Variants in KCNQ3 observed in about 807,000 individuals in gnomAD.
KCNQ3 encodes potassium voltage-gated channel subfamily Q member 3, also known as potassium voltage-gated channel subfamily KQT member 3.
A neutral mutation model predicts 92.5 loss-of-function variants in KCNQ3; 30 were observed. That is an observed-to-expected ratio of 0.32 (90% CI 0.24 to 0.44). KCNQ3 has a LOEUF of 0.44. Ranked by LOEUF, KCNQ3 falls within the 20% of genes least tolerant of loss-of-function variation. KCNQ3 has a pLI of 1.00. For synonymous variants in KCNQ3, 450 were observed against 468.8 expected (o/e 0.96, Z 0.52); for missense variants, 913 against 1,140.3 (o/e 0.80, Z 2.87).
chr8:132,137,373 TA>T (rs2130937708), intron 12 of KCNQ3, among the ~76,000 whole-genome samples: 1 of 152,344 alleles, frequency 6.6e-6, no homozygotes, highest in African/African-American at 2.4e-5. Context: ...AATGGCACTC[TA>T]ATGCAATATC....
chr8:132,304,664 G>A (rs1817360503), intron 1 of KCNQ3, among the ~76,000 whole-genome samples: 1 of 152,106 alleles, frequency 6.6e-6, no homozygotes, highest in East Asian at 1.9e-4. Context: ...GGACCATATT[G>A]GACAGTGCAG....
At position 132,399,524 on chromosome 8, in the gene KCNQ3, C is replaced by T. The variant is rs533827757; in HGVS notation, c.386+80623G>A. Among the ~76,000 whole-genome samples, 4 of 152,196 alleles carry T rather than the reference C, an allele frequency of 2.6e-5. No individual in the cohort carries two copies. The South Asian group carries it at 8.3e-4, about 32-fold the overall frequency. ...AGAAGAGGGAAAAAGCGCCCTCCAC[C>T]CCTGGAAGAAAATAAACCCTATGAT... On this transcript the variant is annotated intron_variant, in intron 1 of 14. Coordinates refer to ENST00000388996, the MANE Select transcript of KCNQ3 (RefSeq NM_004519.4).
At chr8:132,187,319 T>C in intron 1 of KCNQ3, 2 of 452,650 alleles carry the variant, frequency 4.4e-6, no homozygotes, top group East Asian at 1.4e-4. Flanking sequence ...ACAGTCCAGA[T>C]AAACAGAAAG....
chr8:132,303,716 C>T (rs1438055921), intron 1 of KCNQ3, among the ~76,000 whole-genome samples: 3 of 137,824 alleles, frequency 2.2e-5, no homozygotes, highest in Non-Finnish European at 1.6e-5. Flanking sequence ...CATATATATA[C>T]ACCACATATA....
chr8:132,390,243 G>A (rs771918717), intron 1 of KCNQ3, among the ~76,000 whole-genome samples: 1 of 152,130 alleles, frequency 6.6e-6, no homozygotes, highest in African/African-American at 2.4e-5. Flanking sequence ...TGAATACTTA[G>A]GGAATGAAAG....
At chr8:132,243,719 T>C (rs1323339863) in intron 1 of KCNQ3, among the ~76,000 whole-genome samples, 2 of 152,178 alleles carry the variant, frequency 1.3e-5, no homozygotes, top group Non-Finnish European at 2.9e-5. Flanking sequence ...CTCAATTTTG[T>C]AGCAAGGTAA....
intron 1 of KCNQ3, among the ~76,000 whole-genome samples, chr8:132,191,588 GAT>G (rs1491003005): frequency 9.7e-6 from 1 of 103,294 alleles, no homozygotes; most frequent in Non-Finnish European, 2.0e-5. Context: ...TAGAAAGATG[GAT>G]ATGTGTGTGT....
chr8:132,400,197 G>T (rs978465855), intron 1 of KCNQ3, among the ~76,000 whole-genome samples: 8 of 152,178 alleles, frequency 5.3e-5, no homozygotes, highest in African/African-American at 1.9e-4. Flanking sequence ...GCGTCTGTGT[G>T]CCTCTTGTCT....
At chr8:132,242,578 C>T (rs146088273) in intron 1 of KCNQ3, among the ~76,000 whole-genome samples, 1 of 152,266 alleles carries the variant, frequency 6.6e-6, no homozygotes, top group East Asian at 1.9e-4. Context: ...AATCTATATC[C>T]TCTTTCTGGA....
chr8:132,421,443 A>T (rs889121123), intron 1 of KCNQ3, among the ~76,000 whole-genome samples: 3 of 152,184 alleles, frequency 2.0e-5, no homozygotes, highest in African/African-American at 7.2e-5. Flanking sequence ...GCTGGCAGGA[A>T]ACATTTTTAA....
At chr8:132,184,468 T>G (rs2130177124) in intron 2 of KCNQ3, 101 bp from the exon 3 acceptor site, 1 of 1,381,086 alleles carries the variant, frequency 7.2e-7, no homozygotes, top group Non-Finnish European at 1.0e-6. Flanking sequence ...CATTTTGTGC[T>G]GTTGCTGGTT....
chr8:132,311,856 A>G (rs930768518), intron 1 of KCNQ3, among the ~76,000 whole-genome samples: 3 of 152,204 alleles, frequency 2.0e-5, no homozygotes, highest in Admixed American at 2.0e-4. Context: ...GATCCTCAGA[A>G]TGTGACCTTA....
intron 1 of KCNQ3, among the ~76,000 whole-genome samples, chr8:132,364,608 C>T (rs1819260896): frequency 6.6e-6 from 1 of 152,054 alleles, no homozygotes; most frequent in African/African-American, 2.4e-5. Flanking sequence ...GGACCTAGGA[C>T]AGTTCCTAAC....
At chr8:132,247,787 A>C (rs1030422761) in intron 1 of KCNQ3, among the ~76,000 whole-genome samples, 1 of 151,172 alleles carries the variant, frequency 6.6e-6, no homozygotes, top group Non-Finnish European at 1.5e-5. Context: ...AACAAGAACA[A>C]AACTCCCTCT....
At chr8:132,314,790 G>C (rs1817691841) in intron 1 of KCNQ3, among the ~76,000 whole-genome samples, 1 of 152,166 alleles carries the variant, frequency 6.6e-6, no homozygotes. Context: ...AAAACACTAA[G>C]AGTCCTAATA....
intron 1 of KCNQ3, among the ~76,000 whole-genome samples, chr8:132,375,434 G>A (rs1819580962): frequency 6.6e-6 from 1 of 152,122 alleles, no homozygotes; most frequent in South Asian, 2.1e-4. Context: ...AATCTGTCTT[G>A]ATCTCACTCA....
chr8:132,283,291 A>T (rs143652885), intron 1 of KCNQ3, among the ~76,000 whole-genome samples: 21 of 152,282 alleles, frequency 1.4e-4, no homozygotes, highest in African/African-American at 4.8e-4. Context: ...TCCAGCATAT[A>T]GTCCAGTATC....
Position 132,390,345 on chromosome 8 carries a change from C to T in KCNQ3, c.386+89802G>A, listed in dbSNP as rs149831520. Among the ~76,000 whole-genome samples the T allele has an allele frequency of 8.5e-5, 13 of 152,290 alleles. No homozygotes were observed. In the East Asian group the frequency reaches 2.5e-3, roughly 29 times the overall value. The stretch of plus-strand genomic sequence containing the variant: ...TGGGCTTGAGTAGAAAGGGACAGTG[C>T]AGCACCTCCCAAGTACTGGCAATGG... On this transcript the variant is annotated intron_variant, in intron 1 of 14. Coordinates refer to ENST00000388996, the MANE Select transcript of KCNQ3 (RefSeq NM_004519.4).
intron 1 of KCNQ3, among the ~76,000 whole-genome samples, chr8:132,234,976 T>G (rs573461538): frequency 6.6e-6 from 1 of 152,336 alleles, no homozygotes; most frequent in South Asian, 2.1e-4. Flanking sequence ...TATGAATATA[T>G]TCAAAATCAT....
Sources: gnomAD v4.1 joint callset for allele counts (sites outside exome capture counted in the v4.1 genomes callset) on GRCh38, gnomAD v4.1.1 for gene constraint, MANE v1.5 for transcripts, NCBI Gene and HGNC (gene_info 2026-07-23, HGNC 2026-07-21) for gene names.